The following ZNF621 variants were observed in gnomAD, a reference collection of about 807,000 sequenced individuals.
The protein encoded by ZNF621 is zinc finger protein 621.
Under a neutral mutation model 12.7 loss-of-function variants are expected in ZNF621, and 6 were observed. The ratio of observed to expected loss-of-function variants is 0.47; its 90% CI spans 0.26 to 0.93. The LOEUF is 0.93. ZNF621 is among the 40% of genes least tolerant of loss of function. ZNF621 has a pLI of 0.15. For synonymous variants in ZNF621, 156 were observed against 190.3 expected, an observed-to-expected ratio of 0.82 and a Z score of 1.48; for missense variants, 474 against 524.0, an observed-to-expected ratio of 0.90 and a Z score of 0.93.
chr3:40,530,485 C>T (rs1305763578), intron 4 of ZNF621, among the ~76,000 whole-genome samples, 169 bp downstream of exon 4: 3 of 152,198 alleles, frequency 2.0e-5, no homozygotes, highest in Admixed American at 1.3e-4. Flanking sequence ...TGAAAGACCA[C>T]CTCTGGGAGT....
chr3:40,526,960 A>G (rs866504839), intron 2 of ZNF621, among the ~76,000 whole-genome samples: 1 of 152,098 alleles, frequency 6.6e-6, no homozygotes, highest in African/African-American at 2.4e-5. Context: ...GGTTCAGGCA[A>G]TTCTCCTGCC....
chr3:40,528,213 A>G (rs1698632024), intron 2 of ZNF621, among the ~76,000 whole-genome samples: 1 of 152,226 alleles, frequency 6.6e-6, no homozygotes, highest in Non-Finnish European at 1.5e-5. Context: ...TAGTTTTGCC[A>G]GTTCCAAAAT....
chr3:40,525,503 C>T (rs983639268), intron 1 of ZNF621: 2 of 531,374 alleles, frequency 3.8e-6, no homozygotes, highest in Non-Finnish European at 6.7e-6. Flanking sequence ...AGAGACCCAA[C>T]ACAATAGGGA....
chr3:40,524,145 T>A (rs554984795), upstream of ZNF621, among the ~76,000 whole-genome samples: 4 of 152,346 alleles, frequency 2.6e-5, no homozygotes, highest in South Asian at 8.3e-4. Flanking sequence ...CACTGTTTTT[T>A]CTTCCTGCAG....
In ZNF621 at chr3:40,536,768, G is replaced by A. The variant is rs1236103225; in HGVS notation, c.*3678G>A. On this transcript the variant is annotated 3_prime_UTR_variant, in exon 5 of 5. Transcript: ENST00000339296. ...ATATTGCATTTTTTACAAACTGAAG[G>A]TTTGTGGCAGGCCTGTGTTGAGCAA... 6.6e-6 allele frequency: 1 copy of A among 152,134 alleles called. No homozygotes were observed. Among genetic ancestry groups the A allele is most frequent in the African/African-American group, 2.4e-5 (1 of 41,420 alleles). 9.4% of individuals were successfully genotyped at this position (152,134 alleles called of 1,614,324 possible). A position where few individuals can be genotyped will look rare whatever the true frequency, so the allele number is the denominator to read the frequency against.
chr3:40,531,495 G>A (rs1032070149), intron 4 of ZNF621, among the ~76,000 whole-genome samples: 4 of 151,136 alleles, frequency 2.6e-5, no homozygotes, highest in Admixed American at 1.3e-4. Flanking sequence ...AGCCTTCCTC[G>A]TGGGGAGCAC....
At position 40,532,241 on chromosome 3, in the gene ZNF621, G is replaced by GA; in HGVS notation, c.475dup (p.Ile159AsnfsTer5). On this transcript the variant is annotated frameshift_variant, in exon 5 of 5. Coordinates refer to ENST00000339296, the MANE Select transcript of ZNF621 (RefSeq NM_198484.5). LOFTEE classifies it low-confidence loss of function (END_TRUNC). ...AGTTCTATGAATGTAAAGAATGTGG[G>GA]AAAATCTTCCGATATAACTCAAAGC... 1 of 1,614,030 alleles carries GA rather than the reference G, an allele frequency of 6.2e-7. No homozygotes were observed. Among genetic ancestry groups the GA allele is most frequent in the Non-Finnish European group, 8.5e-7 (1 of 1,180,026 alleles).
intron 2 of ZNF621, among the ~76,000 whole-genome samples, chr3:40,527,816 A>G (rs1391368676): frequency 6.6e-6 from 1 of 152,224 alleles, no homozygotes; most frequent in Non-Finnish European, 1.5e-5. Context: ...TTGAGAAATA[A>G]CTTACCCTGA....
intron 2 of ZNF621, among the ~76,000 whole-genome samples, chr3:40,527,716 A>C (rs990267126): frequency 6.6e-6 from 1 of 152,230 alleles, no homozygotes; most frequent in African/African-American, 2.4e-5. Flanking sequence ...TGGTATCAGC[A>C]CAGTAAAATG....
chr3:40,534,468 T>C lies in ZNF621; in HGVS notation c.*1378T>C, dbSNP rs1698812813. ...TCCTAAGCTTTGATGGAAGGGTCCATACATTTTTTTTTTTTTTTTGCTGAT... is the reference window on the plus strand; with the variant it reads ...TCCTAAGCTTTGATGGAAGGGTCCACACATTTTTTTTTTTTTTTTGCTGAT... On this transcript the variant is annotated 3_prime_UTR_variant, in exon 5 of 5. Coordinates refer to ENST00000339296, the MANE Select transcript of ZNF621 (RefSeq NM_198484.5). The C allele has an allele frequency of 8.5e-6, 1 of 117,906 alleles. No individual in the cohort carries two copies. Among genetic ancestry groups the C allele is most frequent in the Non-Finnish European group, 1.6e-5 (1 of 62,970 alleles). 7.3% of individuals were successfully genotyped at this position (117,906 alleles called of 1,614,324 possible).
intron 2 of ZNF621, 88 bp from the exon 3 acceptor site, chr3:40,529,231 G>A: frequency 6.7e-7 from 1 of 1,488,986 alleles, no homozygotes; most frequent in Non-Finnish European, 9.1e-7. Flanking sequence ...GTGGATGCAG[G>A]CAGGTTTATC....
At chr3:40,523,847 A>C (rs1455314209), upstream of ZNF621, among the ~76,000 whole-genome samples, 1 of 152,012 alleles carries the variant, frequency 6.6e-6, no homozygotes, top group Non-Finnish European at 1.5e-5. Context: ...ATACTGGAGA[A>C]AGGCTCCTGT....
chr3:40,538,178 G>A lies in ZNF621; in HGVS notation c.*5088G>A. The A allele has an allele frequency of 2.9e-6, 1 of 343,094 alleles. No homozygotes were observed. The highest frequency in any genetic ancestry group is 5.6e-6 in the Non-Finnish European group (1 of 177,920). 21.3% of individuals were successfully genotyped at this position (343,094 alleles called of 1,614,324 possible). On this transcript the variant is annotated 3_prime_UTR_variant, in exon 5 of 5. Coordinates refer to ENST00000339296, the MANE Select transcript of ZNF621 (RefSeq NM_198484.5). The stretch of plus-strand genomic sequence containing the variant: ...ACATCTGTTTACAGCATGGATTACT[G>A]AATATTTTAAGCCCACTGTTGAGAC...
At chr3:40,531,016 C>G (rs546816736) in intron 4 of ZNF621, among the ~76,000 whole-genome samples, 7 of 152,324 alleles carry the variant, frequency 4.6e-5, no homozygotes, top group African/African-American at 1.4e-4. Flanking sequence ...AGAAAATTTT[C>G]AAGCCTTCTC....
Position 40,525,834 on chromosome 3 carries a change from A to T in ZNF621, c.-7A>T, listed in dbSNP as rs1269255681. ...AAGACAGTGCATGAAGCCAGGGGAC[A>T]TCCGCCATGCTCCAAACAACTTGGC... On this transcript the variant is annotated 5_prime_UTR_variant, in exon 2 of 5. Transcript: ENST00000339296. The T allele has an allele frequency of 6.2e-7, 1 of 1,614,172 alleles. No homozygotes were observed. The highest frequency in any genetic ancestry group is 8.5e-7 in the Non-Finnish European group (1 of 1,180,044).
chr3:40,529,645 CAG>C (rs765368638), intron 3 of ZNF621, 200 bp downstream of exon 3: 3 of 1,382,648 alleles, frequency 2.2e-6, no homozygotes, highest in South Asian at 1.2e-5. Context: ...TGTTTTGAGA[CAG>C]AGTCTCGCTC....
At position 40,533,115 on chromosome 3, in the gene ZNF621, T is replaced by C. The variant is rs774449224; in HGVS notation, c.*25T>C. 3.4e-5 allele frequency: 53 copies of C among 1,539,700 alleles called. No homozygotes were observed. Among genetic ancestry groups the C allele is most frequent in the African/African-American group, 4.1e-5 (3 of 72,310 alleles). ...AGCTTTATCTTGGCAGTCTTACGGC[T>C]CTTATGCCTAGCAAATCTCCAGCCT... On this transcript the variant is annotated 3_prime_UTR_variant, in exon 5 of 5. Transcript: ENST00000339296.
intron 2 of ZNF621, among the ~76,000 whole-genome samples, chr3:40,527,335 A>AT (rs34422040): frequency 0.092 from 12,553 of 136,700 alleles, 606 homozygotes; most frequent in East Asian, 0.23. Context: ...CCATTTTTAA[A>AT]TTTTTTTTTT....
At chr3:40,531,880 T>C in intron 4 of ZNF621, 150 bp from the exon 5 acceptor site, 2 of 773,464 alleles carry the variant, frequency 2.6e-6, no homozygotes, top group South Asian at 4.0e-5. Flanking sequence ...TATTTTTCTT[T>C]GTCTCTCTCA....
Sources: gnomAD v4.1 joint callset for allele counts (sites outside exome capture counted in the v4.1 genomes callset) on GRCh38, gnomAD v4.1.1 for gene constraint, MANE v1.5 for transcripts, NCBI Gene and HGNC (gene_info 2026-07-23, HGNC 2026-07-21) for gene names.